CFAP91: variants seen among roughly 807,000 people sequenced by gnomAD.
CFAP91 encodes cilia- and flagella-associated protein 91.
Under a neutral mutation model 95.9 loss-of-function variants are expected in CFAP91, and 85 were observed. The observed-to-expected ratio is 0.89, with a 90% CI of 0.74 to 1.06. The LOEUF (loss-of-function observed/expected upper bound fraction) is 1.06, where lower values mean the gene tolerates loss of function less well. Among genes scored for constraint, CFAP91 ranks in the 50% least tolerant of loss-of-function variants. The pLI is 0.00. For missense variants in CFAP91, 962 were observed against 943.4 expected (o/e 1.02, Z -0.26); for synonymous variants, 335 against 327.5 (o/e 1.02, Z -0.25).
chr3:119,739,383 A>G (rs1012611953), intron 12 of CFAP91, 57 bp downstream of exon 12: 1 of 1,490,718 alleles, frequency 6.7e-7, no homozygotes, highest in Admixed American at 1.7e-5. Flanking sequence ...ATTTTTTAGA[A>G]TGCATATGTG....
chr3:119,763,551 G>A (rs989410928), intron 17 of CFAP91, among the ~76,000 whole-genome samples: 2 of 151,788 alleles, frequency 1.3e-5, no homozygotes, highest in African/African-American at 4.8e-5. Context: ...CAATAGCCAA[G>A]ATTTGAAATC....
chr3:119,753,255 G>A (rs1281807796), intron 17 of CFAP91, among the ~76,000 whole-genome samples: 1 of 152,024 alleles, frequency 6.6e-6, no homozygotes, highest in Admixed American at 6.6e-5. Context: ...AAACAAGGGG[G>A]ACAAAAAACT....
At chr3:119,706,935 G>A in intron 2 of CFAP91, 50 bp downstream of exon 2, 1 of 1,427,126 alleles carries the variant, frequency 7.0e-7, no homozygotes, top group Non-Finnish European at 9.9e-7. Context: ...GAACCATCTA[G>A]TTTGCCTGAC....
chr3:119,738,377 C>T (rs1449548462), intron 11 of CFAP91, among the ~76,000 whole-genome samples: 1 of 37,872 alleles, frequency 2.6e-5, no homozygotes, highest in Non-Finnish European at 6.9e-5. Flanking sequence ...GAGACAGAAT[C>T]TCGTTCTGTC....
chr3:119,715,418 T>A (rs1577203417), intron 5 of CFAP91, 144 bp from the exon 6 acceptor site: 1 of 773,146 alleles, frequency 1.3e-6, no homozygotes, highest in Middle Eastern at 2.3e-4. Flanking sequence ...ATCCTGGTTA[T>A]AATGGATTCA....
chr3:119,707,558 C>G lies in CFAP91; in HGVS notation c.356C>G (p.Thr119Ser), dbSNP rs759291458. The change falls in exon 3 of 18, where the codon ACC becomes AGC. Residue 119 changes from threonine to serine, a missense_variant. Thr to Ser is a moderately conservative substitution (Grantham distance 58). Coordinates refer to ENST00000273390, the MANE Select transcript of CFAP91 (RefSeq NM_033364.4). ...CACAGAGAAGCCCTCCGGCAGCTCA[C>G]CACGTAAGTGTCGGGTGGCTCCAGG... ...EKHREALRQL[T>S]TTDASFQMPK... is the part of the protein sequence containing the mutation. 1 of 1,560,904 alleles carries G rather than the reference C, an allele frequency of 6.4e-7. No homozygotes were observed. The highest frequency in any genetic ancestry group is 8.7e-7 in the Non-Finnish European group (1 of 1,144,248).
intron 5 of CFAP91, 152 bp from the exon 6 acceptor site, chr3:119,715,410 C>A: frequency 1.3e-6 from 1 of 758,876 alleles, no homozygotes; most frequent in Non-Finnish European, 2.3e-6. Flanking sequence ...TGCGCATAAT[C>A]CTGGTTATAA....
chr3:119,761,543 G>A, intron 17 of CFAP91, among the ~76,000 whole-genome samples: 1 of 151,670 alleles, frequency 6.6e-6, no homozygotes, highest in Non-Finnish European at 1.5e-5. Context: ...CTACAAGAAA[G>A]AAAAATTACA....
intron 13 of CFAP91, 83 bp downstream of exon 13, chr3:119,740,778 A>C (rs755671734): frequency 6.9e-7 from 1 of 1,454,466 alleles, no homozygotes; most frequent in South Asian, 1.2e-5. Flanking sequence ...ATTATAATAA[A>C]AATTAATGAA....
chr3:119,759,718 A>T (rs1195655902), intron 17 of CFAP91, among the ~76,000 whole-genome samples: 1 of 152,024 alleles, frequency 6.6e-6, no homozygotes, highest in Non-Finnish European at 1.5e-5. Flanking sequence ...GATGTAAATT[A>T]TGAAATTGAA....
intron 12 of CFAP91, 133 bp downstream of exon 12, chr3:119,739,459 CT>C: frequency 1.3e-6 from 1 of 746,426 alleles, no homozygotes; most frequent in South Asian, 1.8e-5. Flanking sequence ...CTTGAGTTGC[CT>C]ACCCATTTCC....
intron 11 of CFAP91, 94 bp from the exon 12 acceptor site, chr3:119,739,161 A>T: frequency 1.0e-6 from 1 of 989,318 alleles, no homozygotes; most frequent in South Asian, 1.3e-5. Flanking sequence ...CATCTAGCAC[A>T]GTCTGTTTTG....
chr3:119,750,038 C>T (rs1404612241), intron 16 of CFAP91, among the ~76,000 whole-genome samples: 8 of 152,048 alleles, frequency 5.3e-5, no homozygotes, highest in African/African-American at 1.9e-4. Context: ...CAAATTTGAA[C>T]CATGGTCTAT....
intron 16 of CFAP91, among the ~76,000 whole-genome samples, chr3:119,748,297 G>A (rs1049700461): frequency 1.3e-5 from 2 of 152,168 alleles, no homozygotes; most frequent in Admixed American, 6.5e-5. Context: ...AAGGAAGGGT[G>A]CTAGAAAGGT....
At chr3:119,736,800 A>G (rs2054017591) in intron 10 of CFAP91, among the ~76,000 whole-genome samples, 1 of 152,084 alleles carries the variant, frequency 6.6e-6, no homozygotes, top group Non-Finnish European at 1.5e-5. Flanking sequence ...TTTGATGAAT[A>G]CACCAAGAAT....
At position 119,726,470 on chromosome 3, in the gene CFAP91, A is replaced by G. The variant is rs150001248; in HGVS notation, c.860+122A>G. On this transcript the variant is annotated intron_variant, in intron 7 of 17. Coordinates refer to ENST00000273390, the MANE Select transcript of CFAP91 (RefSeq NM_033364.4). ...AAAGCAATCCTCAACCTATAGAGATAGGAAATTGGGCATCCGGTTCTTTCA... is the reference window on the plus strand; with the variant it reads ...AAAGCAATCCTCAACCTATAGAGATGGGAAATTGGGCATCCGGTTCTTTCA... The G allele has an allele frequency of 5.0e-4, 461 of 918,784 alleles. 4 individuals are homozygous for G. In the African/African-American group the frequency reaches 6.9e-3, roughly 14 times the overall value. 56.9% of individuals were successfully genotyped at this position (918,784 alleles called of 1,614,324 possible).
Position 119,707,666 on chromosome 3 carries a change from C to G in CFAP91, c.359+105C>G, listed in dbSNP as rs2053393935. ...AAAATGTTCAGTTGTGGTGTTATAC[C>G]TAGGCCAAATTTTCTTTCTAAACCT... On this transcript the variant is annotated intron_variant, in intron 3 of 17. Transcript: ENST00000273390. 3 of 1,063,796 alleles carry G rather than the reference C, an allele frequency of 2.8e-6. No homozygotes were observed. The Middle Eastern group carries it at 9.2e-4, about 325-fold the overall frequency. 65.9% of individuals were successfully genotyped at this position (1,063,796 alleles called of 1,614,324 possible). A position where few individuals can be genotyped will look rare whatever the true frequency, so the allele number is the denominator to read the frequency against.
chr3:119,746,341 G>T lies in CFAP91; in HGVS notation c.1903-774G>T, dbSNP rs971531709. 2.0e-5 allele frequency among the ~76,000 whole-genome samples: 3 copies of T among 152,136 alleles called. No homozygotes were observed. The East Asian group carries it at 5.8e-4, about 29-fold the overall frequency. ...TTTTATTTTTCTAATCTCTGAGTTT[G>T]CTTGCAATGCACTTTTAAAATCTGT... is the stretch of plus-strand genomic sequence containing the variant. On this transcript the variant is annotated intron_variant, in intron 14 of 17. Coordinates refer to ENST00000273390, the MANE Select transcript of CFAP91 (RefSeq NM_033364.4).
intron 6 of CFAP91, among the ~76,000 whole-genome samples, chr3:119,717,711 C>T (rs1027959380): frequency 6.6e-6 from 1 of 152,152 alleles, no homozygotes; most frequent in Non-Finnish European, 1.5e-5. Flanking sequence ...CTCTGCTCTA[C>T]ATCTGAGGGG....
Sources: gnomAD v4.1 joint callset for allele counts (sites outside exome capture counted in the v4.1 genomes callset) on GRCh38, gnomAD v4.1.1 for gene constraint, MANE v1.5 for transcripts, NCBI Gene and HGNC (gene_info 2026-07-23, HGNC 2026-07-21) for gene names.